The following KIAA1549L variants were observed in gnomAD, a reference collection of about 807,000 sequenced individuals.
KIAA1549L encodes UPF0606 protein KIAA1549L.
A neutral mutation model predicts 160.7 loss-of-function variants in KIAA1549L; 88 were observed. That is an observed-to-expected ratio of 0.55 (90% CI 0.46 to 0.65). The LOEUF (loss-of-function observed/expected upper bound fraction) is 0.65. Ranked by LOEUF, KIAA1549L falls within the 30% of genes least tolerant of loss-of-function variation. KIAA1549L has a pLI of 0.00. For synonymous variants in KIAA1549L, 950 were observed against 976.7 expected (o/e 0.97, Z 0.51); for missense variants, 2,258 against 2,437.5 (o/e 0.93, Z 1.55).
chr11:33,457,710 C>T (rs554139337), intron 1 of KIAA1549L, among the ~76,000 whole-genome samples: 44 of 152,276 alleles, frequency 2.9e-4, no homozygotes, highest in African/African-American at 1.0e-3. Flanking sequence ...GTTGTGGGAT[C>T]AGGGAATGGT....
At chr11:33,624,585 C>G (rs1306230915) in intron 16 of KIAA1549L, among the ~76,000 whole-genome samples, 1 of 151,984 alleles carries the variant, frequency 6.6e-6, no homozygotes, top group East Asian at 1.9e-4. Flanking sequence ...GGAAAAAAAA[C>G]TTAAATAAAG....
chr11:33,387,300 C>T (rs1554972623), intron 1 of KIAA1549L, among the ~76,000 whole-genome samples: 1 of 151,862 alleles, frequency 6.6e-6, no homozygotes, highest in Non-Finnish European at 1.5e-5. Flanking sequence ...CATTCTCTCT[C>T]TCTTTATTTT....
chr11:33,649,331 G>T (rs1487602064), intron 17 of KIAA1549L, among the ~76,000 whole-genome samples: 2 of 130,072 alleles, frequency 1.5e-5, no homozygotes, highest in Non-Finnish European at 3.1e-5. Context: ...ATGAGATCCT[G>T]TCTCTACGGG....
intron 18 of KIAA1549L, among the ~76,000 whole-genome samples, chr11:33,656,626 A>T (rs1852073883): frequency 6.6e-6 from 1 of 152,174 alleles, no homozygotes; most frequent in Non-Finnish European, 1.5e-5. Context: ...GCATGTTTTT[A>T]ATAAGGATGG....
chr11:33,435,944 T>C (rs1230302148), intron 1 of KIAA1549L, among the ~76,000 whole-genome samples: 9 of 136,254 alleles, frequency 6.6e-5, no homozygotes, highest in Admixed American at 3.8e-4. Flanking sequence ...TTCAACCAAC[T>C]TCAGAGCTAA....
intron 1 of KIAA1549L, among the ~76,000 whole-genome samples, chr11:33,519,904 A>T (rs1183690861): frequency 6.7e-6 from 1 of 150,020 alleles, no homozygotes; most frequent in African/African-American, 2.5e-5. Flanking sequence ...ATCCTTCTCT[A>T]TGATACTTAC....
chr11:33,631,997 A>G (rs1463308031), intron 16 of KIAA1549L, among the ~76,000 whole-genome samples: 2 of 152,180 alleles, frequency 1.3e-5, no homozygotes, highest in African/African-American at 4.8e-5. Flanking sequence ...AGCCAAATAC[A>G]CATTAGATTT....
At chr11:33,532,882 C>G (rs146163367) in intron 1 of KIAA1549L, among the ~76,000 whole-genome samples, 1 of 152,328 alleles carries the variant, frequency 6.6e-6, no homozygotes, top group Non-Finnish European at 1.5e-5. Context: ...GGAAGATTTT[C>G]TTCTCCCTCA....
chr11:33,644,377 T>A (rs1447078390), intron 16 of KIAA1549L, among the ~76,000 whole-genome samples: 1 of 152,244 alleles, frequency 6.6e-6, no homozygotes, highest in Admixed American at 6.5e-5. Context: ...TGTGTAATAT[T>A]TAAGGAGGGA....
intron 1 of KIAA1549L, chr11:33,403,208 C>CAG (rs1850538914): frequency 7.9e-6 from 1 of 126,674 alleles, no homozygotes; most frequent in African/African-American, 3.1e-5. Flanking sequence ...CAGACACACG[C>CAG]ACCCACACAT....
Position 33,542,662 on chromosome 11 carries a change from C to T in KIAA1549L, c.1099C>T (p.Leu367Phe). 2.5e-6 allele frequency: 4 copies of T among 1,613,804 alleles called. No individual in the cohort carries two copies. The highest frequency in any genetic ancestry group is 1.3e-5 in the African/African-American group (1 of 75,044). Residue 367 changes from leucine (L) to phenylalanine (F), a missense_variant, in exon 2 of 21, where the codon CTT becomes TTT. By Grantham distance (22) the Leu-to-Phe change is conservative (BLOSUM62 0). Coordinates refer to ENST00000658780, the MANE Select transcript of KIAA1549L (RefSeq NM_012194.3). ...CCCAGCACTTGGAAGTCTTCTTCAGCTTCCAGATGGAAGCCCCTCATGGTC... is the reference window on the plus strand; with the variant it reads ...CCCAGCACTTGGAAGTCTTCTTCAGTTTCCAGATGGAAGCCCCTCATGGTC... Reference protein sequence around the residue: ...PPPALGSLLQLPDGSPSWSML... With the variant: ...PPPALGSLLQFPDGSPSWSML...
At chr11:33,511,528 A>G (rs182069270) in intron 1 of KIAA1549L, among the ~76,000 whole-genome samples, 43 of 152,366 alleles carry the variant, frequency 2.8e-4, no homozygotes, top group Non-Finnish European at 5.4e-4. Flanking sequence ...GGAATCGGTG[A>G]TGCAATGTTA....
intron 1 of KIAA1549L, among the ~76,000 whole-genome samples, chr11:33,387,757 G>T (rs768899361): frequency 1.3e-5 from 2 of 152,090 alleles, no homozygotes. Context: ...CAGGGCTTTC[G>T]TTTTCTCATC....
chr11:33,505,596 G>A (rs925631430), intron 1 of KIAA1549L, among the ~76,000 whole-genome samples: 18 of 152,080 alleles, frequency 1.2e-4, no homozygotes, highest in Non-Finnish European at 2.9e-5. Flanking sequence ...TCCCACTCTC[G>A]TCAAAGTGAG....
rs372099223 is a variant in KIAA1549L, at chr11:33,386,547, G to A, written c.238+9658G>A. 9.9e-5 allele frequency among the ~76,000 whole-genome samples: 15 copies of A among 152,210 alleles called. 1 individual carries two copies. In the East Asian group the frequency reaches 1.7e-3, roughly 18 times the overall value. ...AACACAAAAAAATTAGCTGGGTATG[G>A]TGGTGGGTGCCTGTAATCCCAGCCA... On this transcript the variant is annotated intron_variant, in intron 1 of 20. Transcript: ENST00000658780.
At chr11:33,465,296 C>T (rs1852032329) in intron 1 of KIAA1549L, among the ~76,000 whole-genome samples, 1 of 152,068 alleles carries the variant, frequency 6.6e-6, no homozygotes, top group Non-Finnish European at 1.5e-5. Context: ...TCAAGTGATC[C>T]ATCTGCCTCG....
intron 6 of KIAA1549L, among the ~76,000 whole-genome samples, chr11:33,559,481 C>T (rs1229769988): frequency 6.6e-6 from 1 of 152,148 alleles, no homozygotes; most frequent in African/African-American, 2.4e-5. Context: ...TCGGTTTCCT[C>T]ATCTGTGAAA....
intron 17 of KIAA1549L, among the ~76,000 whole-genome samples, chr11:33,648,352 C>T (rs1590438711): frequency 6.6e-6 from 1 of 151,968 alleles, no homozygotes; most frequent in East Asian, 2.0e-4. Flanking sequence ...TCTTTATCAA[C>T]AACCTGTGAG....
intron 8 of KIAA1549L, among the ~76,000 whole-genome samples, chr11:33,567,001 A>G (rs1294555112): frequency 6.6e-6 from 1 of 152,206 alleles, no homozygotes; most frequent in South Asian, 2.1e-4. Flanking sequence ...AATGTTTCCC[A>G]AGGGATGTGG....
Sources: allele counts gnomAD v4.1 joint callset (sites outside exome capture counted in the v4.1 genomes callset), GRCh38; gene constraint gnomAD v4.1.1; transcripts MANE v1.5; gene names NCBI Gene and HGNC (gene_info 2026-07-23, HGNC 2026-07-21).